Variants in KIAA0825 observed in about 807,000 individuals in gnomAD.
The protein encoded by KIAA0825 is KIAA0825, also known as uncharacterized protein KIAA0825.
Under a neutral mutation model 147.6 loss-of-function variants are expected in KIAA0825, and 119 were observed. The observed-to-expected ratio is 0.81, with a 90% CI of 0.69 to 0.94. The LOEUF (loss-of-function observed/expected upper bound fraction) is 0.94. Ranked by LOEUF, KIAA0825 falls within the 40% of genes least tolerant of loss-of-function variation. The pLI is 0.00. For missense variants in KIAA0825, 1,381 were observed against 1,472.7 expected, an observed-to-expected ratio of 0.94 and a Z score of 1.02; for synonymous variants, 470 against 518.1, an observed-to-expected ratio of 0.91 and a Z score of 1.26.
chr5:94,287,932 G>A (rs569330868), intron 20 of KIAA0825, among the ~76,000 whole-genome samples: 1 of 152,226 alleles, frequency 6.6e-6, no homozygotes, highest in Non-Finnish European at 1.5e-5. Context: ...TGGGGCACTA[G>A]AACAGCATTG....
chr5:94,376,712 G>A (rs772215472), intron 20 of KIAA0825, among the ~76,000 whole-genome samples: 29 of 152,264 alleles, frequency 1.9e-4, no homozygotes, highest in Non-Finnish European at 3.1e-4. Flanking sequence ...TGGGTAGAGC[G>A]AGTCACTGAG....
intron 20 of KIAA0825, among the ~76,000 whole-genome samples, chr5:94,198,415 AT>A (rs76982670): frequency 0.024 from 3,544 of 146,140 alleles, 124 homozygotes; most frequent in African/African-American, 0.079. Flanking sequence ...GAGAGTTTAA[AT>A]TTTTTTTTTT....
At chr5:94,597,425 A>C (rs1375218606) in intron 1 of KIAA0825, among the ~76,000 whole-genome samples, 1 of 152,202 alleles carries the variant, frequency 6.6e-6, no homozygotes, top group Non-Finnish European at 1.5e-5. Flanking sequence ...TAACCAATGC[A>C]CCAAAAAAAG....
At chr5:94,160,484 C>T (rs946417711) in intron 20 of KIAA0825, among the ~76,000 whole-genome samples, 2 of 148,284 alleles carry the variant, frequency 1.3e-5, no homozygotes, top group East Asian at 3.9e-4. Flanking sequence ...GTATATAGTA[C>T]ATATCTGTAT....
intron 14 of KIAA0825, among the ~76,000 whole-genome samples, chr5:94,435,377 CAT>C (rs1480412049): frequency 1.4e-5 from 2 of 147,850 alleles, no homozygotes; most frequent in Admixed American, 7.0e-5. Context: ...TAAGTGAGAA[CAT>C]GTGGTATTTG....
intron 1 of KIAA0825, chr5:94,594,773 T>C: frequency 1.7e-6 from 1 of 594,744 alleles, no homozygotes; most frequent in Non-Finnish European, 3.2e-6. Flanking sequence ...AACATGCATT[T>C]AGAGAAGTCG....
intron 20 of KIAA0825, among the ~76,000 whole-genome samples, chr5:94,289,593 T>G (rs1403523548): frequency 1.4e-5 from 2 of 146,600 alleles, no homozygotes; most frequent in Non-Finnish European, 3.0e-5. Flanking sequence ...GAAAAAATAA[T>G]AAGAACAACC....
At chr5:94,485,773 T>C (rs944570661) in intron 5 of KIAA0825, among the ~76,000 whole-genome samples, 4 of 151,750 alleles carry the variant, frequency 2.6e-5, no homozygotes, top group African/African-American at 7.3e-5. Flanking sequence ...AAACACTATA[T>C]TAAAGATACA....
At chr5:94,271,641 G>C (rs56195266) in intron 20 of KIAA0825, among the ~76,000 whole-genome samples, 1 of 152,008 alleles carries the variant, frequency 6.6e-6, no homozygotes, top group Non-Finnish European at 1.5e-5. Context: ...CCAGCTACTC[G>C]GGAGGCTGAG....
At chr5:94,318,573 A>C (rs1562374453) in intron 20 of KIAA0825, among the ~76,000 whole-genome samples, 1 of 151,902 alleles carries the variant, frequency 6.6e-6, no homozygotes, top group African/African-American at 2.4e-5. Flanking sequence ...TCCACCAATT[A>C]TTGGAGACTA....
intron 2 of KIAA0825, among the ~76,000 whole-genome samples, chr5:94,549,718 A>G (rs1775145717): frequency 6.6e-6 from 1 of 152,150 alleles, no homozygotes; most frequent in Admixed American, 6.5e-5. Flanking sequence ...CTCCATCTCA[A>G]AAAACAAAAA....
At chr5:94,194,345 C>T (rs1003757370) in intron 20 of KIAA0825, among the ~76,000 whole-genome samples, 8 of 152,078 alleles carry the variant, frequency 5.3e-5, no homozygotes, top group Non-Finnish European at 8.8e-5. Flanking sequence ...TGGATAGCAT[C>T]CTCAGCAAAT....
intron 20 of KIAA0825, among the ~76,000 whole-genome samples, chr5:94,321,195 T>A (rs895682267): frequency 3.3e-5 from 5 of 152,052 alleles, no homozygotes; most frequent in Non-Finnish European, 7.4e-5. Flanking sequence ...TTTATTTTAA[T>A]GGGTTAAATA....
intron 20 of KIAA0825, among the ~76,000 whole-genome samples, chr5:94,332,217 T>C (rs1361285728): frequency 6.6e-6 from 1 of 150,730 alleles, no homozygotes; most frequent in Admixed American, 6.6e-5. Context: ...TTCTTTCTTT[T>C]CTTTTCTTTC....
chr5:94,361,567 G>A (rs889981213), intron 20 of KIAA0825, among the ~76,000 whole-genome samples: 3 of 152,100 alleles, frequency 2.0e-5, no homozygotes, highest in African/African-American at 4.8e-5. Flanking sequence ...GCAAAATTAC[G>A]GATGCTTTTA....
intron 20 of KIAA0825, among the ~76,000 whole-genome samples, chr5:94,233,974 A>G (rs1302133413): frequency 6.6e-6 from 1 of 152,182 alleles, no homozygotes; most frequent in Non-Finnish European, 1.5e-5. Context: ...AAGCAATTTT[A>G]TTGACACCAT....
At chr5:94,592,983 T>C in intron 1 of KIAA0825, 1 of 593,960 alleles carries the variant, frequency 1.7e-6, no homozygotes, top group Non-Finnish European at 3.2e-6. Context: ...GATGTACATT[T>C]AATATACTTT....
chr5:94,387,698 T>C (rs373832963), intron 18 of KIAA0825, among the ~76,000 whole-genome samples: 2 of 107,386 alleles, frequency 1.9e-5, no homozygotes, highest in Non-Finnish European at 4.0e-5. Context: ...ATCTCAAAAA[T>C]AAAAAAAAAA....
chr5:94,275,620 A>G (rs913095429), intron 20 of KIAA0825, among the ~76,000 whole-genome samples: 6 of 152,154 alleles, frequency 3.9e-5, no homozygotes, highest in Admixed American at 6.6e-5. Flanking sequence ...AACAAATACT[A>G]TGGCAACATG....
Sources: gnomAD v4.1 joint callset for allele counts (sites outside exome capture counted in the v4.1 genomes callset) on GRCh38, gnomAD v4.1.1 for gene constraint, MANE v1.5 for transcripts, NCBI Gene and HGNC (gene_info 2026-07-23, HGNC 2026-07-21) for gene names.